Variants in FAM161A observed in about 807,000 individuals in gnomAD.
FAM161A encodes the protein FAM161 centrosomal protein A, also known as protein FAM161A.
FAM161A carries 57 observed loss-of-function variants against 70.9 expected under a neutral mutation model. The ratio of observed to expected loss-of-function variants is 0.80; its 90% CI spans 0.65 to 1.00. FAM161A has a LOEUF of 1.00. Among genes scored for constraint, FAM161A ranks in the 50% least tolerant of loss-of-function variants. The pLI, the probability that FAM161A is intolerant of heterozygous loss-of-function variation, is 0.00. For synonymous variants in FAM161A, 299 were observed against 295.7 expected (o/e 1.01, Z -0.12); for missense variants, 880 against 836.0 (o/e 1.05, Z -0.65).
At chr2:61,838,899 TTGAG>T (rs1672886568) in intron 3 of FAM161A, among the ~76,000 whole-genome samples, 194 bp from the exon 4 acceptor site, 1 of 151,030 alleles carries the variant, frequency 6.6e-6, no homozygotes, top group African/African-American at 2.4e-5. Context: ...TTTATTTTTT[TTGAG>T]ATGGAGTCTC....
the FAM161A span, among the ~76,000 whole-genome samples, chr2:61,808,797 G>A: frequency 6.6e-6 from 1 of 152,168 alleles, no homozygotes; most frequent in African/African-American, 2.4e-5. Context: ...AAATAGCGAG[G>A]CAAGATTTGG....
chr2:61,835,130 T>C (rs982952687), intron 5 of FAM161A, among the ~76,000 whole-genome samples: 3 of 152,232 alleles, frequency 2.0e-5, no homozygotes, highest in African/African-American at 7.2e-5. Flanking sequence ...CCTCAATGAG[T>C]CACTGGCAAG....
At chr2:61,845,836 C>A (rs1673188930) in intron 1 of FAM161A, among the ~76,000 whole-genome samples, 1 of 151,938 alleles carries the variant, frequency 6.6e-6, no homozygotes, top group Non-Finnish European at 1.5e-5. Flanking sequence ...CGCCTGTAAT[C>A]CCAGCACTTT....
Position 61,853,856 on chromosome 2 carries a change from T to C in FAM161A, c.183+3A>G. 6.2e-7 allele frequency: 1 copy of C among 1,613,850 alleles called. No individual in the cohort carries two copies. The highest frequency in any genetic ancestry group is 2.2e-5 in the East Asian group (1 of 44,862). Reference sequence around the variant, plus strand: ...CCCAGCCCAAGTCCCGCCCCAGTATTACCGATGCCCCAGCGGGCTGAGCCA... The same window carrying C: ...CCCAGCCCAAGTCCCGCCCCAGTATCACCGATGCCCCAGCGGGCTGAGCCA... On this transcript the variant is annotated splice_donor_region_variant and intron_variant, in intron 1 of 6. Coordinates refer to ENST00000404929, the MANE Select transcript of FAM161A (RefSeq NM_001201543.2).
At chr2:61,827,513 G>A (rs1488908431) in intron 5 of FAM161A, among the ~76,000 whole-genome samples, 3 of 151,634 alleles carry the variant, frequency 2.0e-5, no homozygotes, top group African/African-American at 7.3e-5. Flanking sequence ...GGGAGGCTGA[G>A]GCAGGAGAAT....
intron 4 of FAM161A, 38 bp from the exon 5 acceptor site, chr2:61,836,147 A>G: frequency 4.3e-6 from 6 of 1,409,264 alleles, no homozygotes; most frequent in South Asian, 1.2e-5. Flanking sequence ...TTAAAAGATC[A>G]TCTAAGAAAT....
chr2:61,842,082 T>C lies in FAM161A; in HGVS notation c.422+40A>G, dbSNP rs373244112. ...GTTCTGTCCTTTTAAGGATACATTTTATTTTATACTCCACAAATAACATTG... is the reference window on the plus strand; with the variant it reads ...GTTCTGTCCTTTTAAGGATACATTTCATTTTATACTCCACAAATAACATTG... On this transcript the variant is annotated intron_variant, in intron 2 of 6. Coordinates refer to ENST00000404929, the MANE Select transcript of FAM161A (RefSeq NM_001201543.2). 6.4e-6 allele frequency: 8 copies of C among 1,255,896 alleles called. No homozygotes were observed. The African/African-American group carries it at 1.2e-4, about 18-fold the overall frequency. 77.8% of individuals were successfully genotyped at this position (1,255,896 alleles called of 1,614,324 possible).
At chr2:61,848,228 G>A (rs977450502) in intron 1 of FAM161A, among the ~76,000 whole-genome samples, 4 of 152,296 alleles carry the variant, frequency 2.6e-5, no homozygotes, top group African/African-American at 9.6e-5. Flanking sequence ...AGTAGCTTCT[G>A]AAAGATGCGG....
At chr2:61,811,785 C>T in the FAM161A span, among the ~76,000 whole-genome samples, 9 of 152,294 alleles carry the variant, frequency 5.9e-5, no homozygotes, top group South Asian at 1.0e-3. Context: ...GGATTACAGG[C>T]GTGAGCCACT....
intron 1 of FAM161A, among the ~76,000 whole-genome samples, chr2:61,847,817 G>T (rs1341872094): frequency 3.9e-5 from 6 of 152,002 alleles, no homozygotes; most frequent in African/African-American, 1.5e-4. Context: ...TGTCTGCTTT[G>T]TTTAATGTTG....
the FAM161A span, among the ~76,000 whole-genome samples, chr2:61,801,943 A>C: frequency 9.2e-5 from 14 of 152,142 alleles, no homozygotes. Flanking sequence ...CAAAACAAAC[A>C]CAAACTTCTA....
chr2:61,831,648 T>C (rs1672578913), intron 5 of FAM161A, among the ~76,000 whole-genome samples: 1 of 152,150 alleles, frequency 6.6e-6, no homozygotes, highest in African/African-American at 2.4e-5. Context: ...TTCCCCTTCT[T>C]CTGGTTGTAT....
rs1672854003 is a variant in FAM161A at position 61,838,458 on chromosome 2, T to C, written c.1751+80A>G. 4 of 1,183,844 alleles carry C rather than the reference T, an allele frequency of 3.4e-6. No homozygotes were observed. In the East Asian group the frequency reaches 9.4e-5, roughly 28 times the overall value. The allele number at this position is 1,183,844 out of a possible 1,614,324, so 73.3% of individuals were successfully genotyped here. A position where few individuals can be genotyped will look rare whatever the true frequency, so the allele number is the denominator to read the frequency against. On this transcript the variant is annotated intron_variant, in intron 4 of 6. Transcript: ENST00000404929. ...AACACTAATGCTATTTTCAATCTGC[T>C]CATATTTTACTATCTACTGATTAAA...
chr2:61,840,677 G>A (rs1008332902), intron 2 of FAM161A, 96 bp from the exon 3 acceptor site: 62 of 954,904 alleles, frequency 6.5e-5, no homozygotes, highest in Middle Eastern at 2.9e-4. Context: ...CTGAGACAGA[G>A]TCTCACTCTG....
downstream of FAM161A, chr2:61,820,689 T>C (rs546364064): frequency 2.4e-6 from 1 of 418,714 alleles, no homozygotes; most frequent in South Asian, 3.0e-5. Context: ...TTTTTATCAT[T>C]TAAAGATCTA....
chr2:61,828,871 G>A (rs1672472019), intron 5 of FAM161A, among the ~76,000 whole-genome samples: 1 of 152,144 alleles, frequency 6.6e-6, no homozygotes, highest in Non-Finnish European at 1.5e-5. Flanking sequence ...CAGGCTTTAT[G>A]GAGCCACATA....
intron 1 of FAM161A, among the ~76,000 whole-genome samples, chr2:61,848,240 A>G (rs1673302379): frequency 1.3e-5 from 2 of 152,220 alleles, no homozygotes; most frequent in African/African-American, 4.8e-5. Context: ...AAGATGCGGC[A>G]GGTCTGATAA....
At chr2:61,822,170 C>A (rs1672215894), downstream of FAM161A, among the ~76,000 whole-genome samples, 1 of 152,004 alleles carries the variant, frequency 6.6e-6, no homozygotes, top group Non-Finnish European at 1.5e-5. Context: ...GTGGCTCACA[C>A]CTGTAATCCT....
chr2:61,845,166 G>A (rs910175873), intron 1 of FAM161A, among the ~76,000 whole-genome samples: 6 of 152,092 alleles, frequency 3.9e-5, no homozygotes, highest in Non-Finnish European at 8.8e-5. Flanking sequence ...GACATGAGAG[G>A]ACCTGAGAAT....
Sources: allele counts gnomAD v4.1 joint callset (sites outside exome capture counted in the v4.1 genomes callset), GRCh38; gene constraint gnomAD v4.1.1; transcripts MANE v1.5; gene names NCBI Gene and HGNC (gene_info 2026-07-23, HGNC 2026-07-21).